IMMP1L: variants seen among roughly 807,000 people sequenced by gnomAD.
IMMP1L encodes mitochondrial inner membrane protease subunit 1.
In IMMP1L, 24 loss-of-function variants were observed where a neutral mutation model predicts 21.8. The ratio of observed to expected loss-of-function variants is 1.10; its 90% CI spans 0.80 to 1.55. The LOEUF (loss-of-function observed/expected upper bound fraction) is 1.55. IMMP1L is among the 40% of genes most tolerant of loss of function. The pLI, the probability that IMMP1L is intolerant of heterozygous loss-of-function variation, is 0.00. For missense variants in IMMP1L, 195 were observed against 200.7 expected (o/e 0.97, Z 0.17); for synonymous variants, 46 against 62.8 (o/e 0.73, Z 1.26).
chr11:31,442,606 C>CA (rs1419022658), intron 4 of IMMP1L, among the ~76,000 whole-genome samples: 11 of 152,150 alleles, frequency 7.2e-5, no homozygotes, highest in Non-Finnish European at 1.3e-4. Flanking sequence ...TAGTTTACAA[C>CA]CAGCAATGGT....
At chr11:31,453,124 C>T (rs752545681) in intron 4 of IMMP1L, 8 of 1,287,644 alleles carry the variant, frequency 6.2e-6, no homozygotes, top group South Asian at 1.2e-5. Context: ...GATTTATAAG[C>T]GTTGCTTGCC....
chr11:31,455,670 C>CAATG (rs1300527323), intron 4 of IMMP1L, among the ~76,000 whole-genome samples: 1 of 152,192 alleles, frequency 6.6e-6, no homozygotes, highest in East Asian at 1.9e-4. Flanking sequence ...CTGTTCCAAT[C>CAATG]AATGACAGGG....
intron 4 of IMMP1L, chr11:31,449,152 G>A: frequency 1.2e-6 from 1 of 841,066 alleles, no homozygotes; most frequent in Non-Finnish European, 1.4e-6. Flanking sequence ...TTATTAGGCA[G>A]TTCTTCTATT....
chr11:31,468,049 A>C (rs1457829008), intron 1 of IMMP1L, among the ~76,000 whole-genome samples: 3 of 152,144 alleles, frequency 2.0e-5, no homozygotes. Flanking sequence ...AATTTAATGA[A>C]AGGAAAAATT....
chr11:31,485,460 G>A (rs1038271770), intron 1 of IMMP1L, among the ~76,000 whole-genome samples: 2 of 151,654 alleles, frequency 1.3e-5, no homozygotes, highest in Admixed American at 1.3e-4. Flanking sequence ...GAAATCAGTC[G>A]GTCAGACAGA....
intron 1 of IMMP1L, among the ~76,000 whole-genome samples, chr11:31,490,269 C>A (rs1023760823): frequency 6.6e-6 from 1 of 152,022 alleles, no homozygotes; most frequent in African/African-American, 2.4e-5. Context: ...GTCAAGAGAT[C>A]GAGACCATCC....
intron 4 of IMMP1L, chr11:31,437,207 C>T: frequency 2.3e-6 from 1 of 431,134 alleles, no homozygotes; most frequent in Non-Finnish European, 4.6e-6. Flanking sequence ...GGAATATTTG[C>T]ATATACACGA....
chr11:31,502,694 G>A (rs1592052146), intron 1 of IMMP1L, among the ~76,000 whole-genome samples: 1 of 152,302 alleles, frequency 6.6e-6, no homozygotes, highest in East Asian at 1.9e-4. Context: ...GTAGCTTTAT[G>A]TCTATGAGAC....
chr11:31,449,545 A>G (rs1203794294), intron 4 of IMMP1L, among the ~76,000 whole-genome samples: 1 of 152,208 alleles, frequency 6.6e-6, no homozygotes, highest in African/African-American at 2.4e-5. Context: ...CCATTTTAAT[A>G]CACTATACCA....
At chr11:31,451,527 A>C (rs937433799) in intron 4 of IMMP1L, among the ~76,000 whole-genome samples, 5 of 152,136 alleles carry the variant, frequency 3.3e-5, no homozygotes, top group African/African-American at 1.2e-4. Flanking sequence ...GGATAACTCT[A>C]AGGTTTGTGG....
intron 1 of IMMP1L, among the ~76,000 whole-genome samples, chr11:31,504,681 T>C (rs924500302): frequency 2.6e-5 from 4 of 152,148 alleles, no homozygotes; most frequent in Admixed American, 2.6e-4. Context: ...TAAATTATAA[T>C]ACATTTATAT....
chr11:31,501,121 T>C (rs796337466), intron 1 of IMMP1L, among the ~76,000 whole-genome samples: 7 of 152,354 alleles, frequency 4.6e-5, no homozygotes, highest in African/African-American at 9.6e-5. Context: ...ACAGTGCAGA[T>C]ACAGAACATT....
At chr11:31,470,842 G>A (rs969046065) in intron 1 of IMMP1L, among the ~76,000 whole-genome samples, 4 of 152,174 alleles carry the variant, frequency 2.6e-5, no homozygotes, top group Non-Finnish European at 5.9e-5. Flanking sequence ...GAGCCTGGAG[G>A]ACAATTATGT....
intron 4 of IMMP1L, among the ~76,000 whole-genome samples, chr11:31,440,255 C>A (rs1033152117): frequency 1.1e-4 from 17 of 152,154 alleles, no homozygotes; most frequent in African/African-American, 3.9e-4. Context: ...TTTCATACTG[C>A]CTGCTATGCA....
chr11:31,462,187 C>A (rs564771873), intron 2 of IMMP1L, among the ~76,000 whole-genome samples: 1 of 151,752 alleles, frequency 6.6e-6, no homozygotes, highest in Non-Finnish European at 1.5e-5. Flanking sequence ...TGGTGATGTG[C>A]GCCTGTAGTC....
chr11:31,501,807 AAAT>A (rs1446504385), intron 1 of IMMP1L, among the ~76,000 whole-genome samples: 1 of 146,440 alleles, frequency 6.8e-6, no homozygotes, highest in Admixed American at 6.7e-5. Flanking sequence ...ATAAATAAAT[AAAT>A]AAATAAATAA....
At chr11:31,453,338 G>A (rs1427464123) in intron 4 of IMMP1L, among the ~76,000 whole-genome samples, 2 of 152,102 alleles carry the variant, frequency 1.3e-5, no homozygotes, top group Admixed American at 6.5e-5. Context: ...TTTGCTTTCT[G>A]AAGCACCTAC....
chr11:31,486,225 C>T (rs769302310), intron 1 of IMMP1L, among the ~76,000 whole-genome samples: 1 of 151,872 alleles, frequency 6.6e-6, no homozygotes, highest in East Asian at 1.9e-4. Context: ...TTTCATTTTA[C>T]TTTAAGTTGT....
chr11:31,465,957 G>A (rs1216609090), intron 1 of IMMP1L, among the ~76,000 whole-genome samples: 1 of 151,952 alleles, frequency 6.6e-6, no homozygotes, highest in East Asian at 1.9e-4. Flanking sequence ...CTTCTGCACA[G>A]CAATGAAAAT....
Sources: allele counts gnomAD v4.1 joint callset (sites outside exome capture counted in the v4.1 genomes callset), GRCh38; gene constraint gnomAD v4.1.1; transcripts MANE v1.5; gene names NCBI Gene and HGNC (gene_info 2026-07-23, HGNC 2026-07-21).